COG5: variants seen among roughly 807,000 people sequenced by gnomAD.
COG5 encodes the protein conserved oligomeric Golgi complex subunit 5.
Under a neutral mutation model 110.4 loss-of-function variants are expected in COG5, and 86 were observed. The observed-to-expected ratio is 0.78, with a 90% CI of 0.65 to 0.93. COG5 has a LOEUF of 0.93. Among genes scored for constraint, COG5 ranks in the 40% least tolerant of loss-of-function variants. The pLI is 0.00. For missense variants in COG5, 1,077 were observed against 987.0 expected (o/e 1.09, Z -1.22); for synonymous variants, 360 against 334.6 (o/e 1.08, Z -0.83).
chr7:107,501,104 G>C (rs1014363110), intron 6 of COG5, among the ~76,000 whole-genome samples: 1 of 152,004 alleles, frequency 6.6e-6, no homozygotes, highest in African/African-American at 2.4e-5. Flanking sequence ...TATACTTAGA[G>C]ACCCAAAGCT....
At chr7:107,532,873 G>A (rs1488793865) in intron 5 of COG5, among the ~76,000 whole-genome samples, 5 of 152,228 alleles carry the variant, frequency 3.3e-5, no homozygotes, top group African/African-American at 1.2e-4. Context: ...GTTTTTTACA[G>A]CTGAATTATA....
chr7:107,464,021 T>C (rs552198555), intron 6 of COG5, among the ~76,000 whole-genome samples: 2 of 152,136 alleles, frequency 1.3e-5, no homozygotes, highest in Non-Finnish European at 2.9e-5. Context: ...AAAAAAAGTC[T>C]GAATTTCTCT....
intron 19 of COG5, among the ~76,000 whole-genome samples, chr7:107,212,052 CTAAT>C (rs1799218835): frequency 6.6e-6 from 1 of 152,146 alleles, no homozygotes; most frequent in South Asian, 2.1e-4. Context: ...CTTAATTACT[CTAAT>C]TATGAATGAA....
At chr7:107,303,963 GTGAT>G (rs1807495179) in intron 11 of COG5, among the ~76,000 whole-genome samples, 1 of 151,758 alleles carries the variant, frequency 6.6e-6, no homozygotes, top group Admixed American at 6.6e-5. Context: ...TTAATCACTA[GTGAT>G]TACAACACAG....
At chr7:107,521,725 C>G (rs1196875313) in intron 6 of COG5, among the ~76,000 whole-genome samples, 1 of 152,150 alleles carries the variant, frequency 6.6e-6, no homozygotes, top group Non-Finnish European at 1.5e-5. Flanking sequence ...GAAAGTGTGG[C>G]GATTCCTCAA....
intron 5 of COG5, among the ~76,000 whole-genome samples, chr7:107,546,435 G>GTTTTTTTTTTTTTTTT (rs754919944): frequency 0.011 from 1,289 of 119,424 alleles, 28 homozygotes; most frequent in Non-Finnish European, 0.016. Context: ...TTGGTTTTTT[G>GTTTTTTTTTTTTTTTT]TTTTTTTTTT....
At position 107,336,761 on chromosome 7, in the gene COG5, T is replaced by C. The variant is rs79178161; in HGVS notation, c.1027-12240A>G. The stretch of plus-strand genomic sequence containing the variant: ...TGAATTGTAATTTTAAACAAAATGA[T>C]GTACAGCAGGTTCTCAAATAACCCA... On this transcript the variant is annotated intron_variant, in intron 10 of 21. Transcript: ENST00000297135. Among the ~76,000 whole-genome samples, 240 of 152,288 alleles carry C rather than the reference T, an allele frequency of 1.6e-3. No homozygotes were observed. In the East Asian group the frequency reaches 0.022, roughly 14 times the overall value.
chr7:107,490,202 C>T (rs1584889086), intron 6 of COG5, among the ~76,000 whole-genome samples: 1 of 151,962 alleles, frequency 6.6e-6, no homozygotes, highest in East Asian at 1.9e-4. Context: ...TCCCCCATCC[C>T]GCTCCTCCTC....
chr7:107,435,614 CTG>C (rs1794321383), intron 6 of COG5, among the ~76,000 whole-genome samples: 1 of 151,994 alleles, frequency 6.6e-6, no homozygotes, highest in Admixed American at 6.6e-5. Context: ...GATCGTGCCA[CTG>C]TACTCCAGCC....
intron 7 of COG5, among the ~76,000 whole-genome samples, chr7:107,408,837 G>C (rs1792061937): frequency 6.6e-6 from 1 of 152,186 alleles, no homozygotes; most frequent in African/African-American, 2.4e-5. Flanking sequence ...TCCTGACATG[G>C]AGGTAGCAAT....
At chr7:107,518,788 C>T (rs2520252) in intron 6 of COG5, among the ~76,000 whole-genome samples, 19,032 of 152,172 alleles carry the variant, frequency 0.13, 1,571 homozygotes, top group East Asian at 0.33. Flanking sequence ...ACGACTTGAA[C>T]TCACTCTGGA....
intron 18 of COG5, among the ~76,000 whole-genome samples, 193 bp from the exon 19 acceptor site, chr7:107,230,884 G>A (rs1800728737): frequency 6.6e-6 from 1 of 150,726 alleles, no homozygotes; most frequent in South Asian, 2.1e-4. Context: ...TTACTAAGAG[G>A]GCCCAAGATG....
intron 18 of COG5, among the ~76,000 whole-genome samples, chr7:107,234,497 C>T (rs1801013645): frequency 6.6e-6 from 1 of 152,178 alleles, no homozygotes; most frequent in South Asian, 2.1e-4. Context: ...AAGGACAATA[C>T]TTTCCATCTT....
chr7:107,318,729 A>T (rs1259113987), intron 11 of COG5, among the ~76,000 whole-genome samples: 1 of 152,138 alleles, frequency 6.6e-6, no homozygotes, highest in Non-Finnish European at 1.5e-5. Context: ...GTCACTTCTT[A>T]TAAGGACAGT....
At chr7:107,265,146 A>G (rs894778754) in intron 14 of COG5, among the ~76,000 whole-genome samples, 4 of 152,254 alleles carry the variant, frequency 2.6e-5, no homozygotes, top group African/African-American at 7.2e-5. Flanking sequence ...TCTATCTCTG[A>G]AAGATTTAAG....
intron 5 of COG5, among the ~76,000 whole-genome samples, chr7:107,533,427 A>T (rs866322853): frequency 6.6e-6 from 1 of 151,602 alleles, no homozygotes; most frequent in Non-Finnish European, 1.5e-5. Flanking sequence ...TTTGAAAAAA[A>T]GGTTAGAGGA....
chr7:107,297,162 C>T (rs1806820068), intron 12 of COG5, among the ~76,000 whole-genome samples: 1 of 152,098 alleles, frequency 6.6e-6, no homozygotes, highest in Admixed American at 6.6e-5. Context: ...AATTCTACAT[C>T]CAAGGATTAA....
Position 107,363,148 on chromosome 7 carries a change from C to A in COG5, c.836-728G>T, listed in dbSNP as rs116064379. On this transcript the variant is annotated intron_variant, in intron 8 of 21. Transcript: ENST00000297135. ...GTAACAGGAATCAGAGGTATTTCCC[C>A]ACTCTATCCACTGGAAAGTCAGAGA... Among the ~76,000 whole-genome samples, 824 of 152,242 alleles carry A rather than the reference C, an allele frequency of 5.4e-3. 9 individuals carry two copies. Among genetic ancestry groups the A allele is most frequent in the African/African-American group, 0.019 (802 of 41,552 alleles).
At chr7:107,417,596 C>A (rs570480634) in intron 6 of COG5, among the ~76,000 whole-genome samples, 1 of 152,070 alleles carries the variant, frequency 6.6e-6, no homozygotes, top group East Asian at 1.9e-4. Context: ...CAAAGTAACA[C>A]GTTAGCTTCT....
Sources: allele counts gnomAD v4.1 joint callset (sites outside exome capture counted in the v4.1 genomes callset), GRCh38; gene constraint gnomAD v4.1.1; transcripts MANE v1.5; gene names NCBI Gene and HGNC (gene_info 2026-07-23, HGNC 2026-07-21).